Variants in MYCBP2 observed in about 807,000 individuals in gnomAD.
MYCBP2 encodes the protein MYC binding protein 2, also known as E3 ubiquitin-protein ligase MYCBP2.
In MYCBP2, 120 loss-of-function variants were observed where a neutral mutation model predicts 525.3. The observed-to-expected ratio is 0.23, with a 90% confidence interval of 0.20 to 0.27. MYCBP2 has a LOEUF of 0.27. MYCBP2 is among the 10% of genes least tolerant of loss of function. The probability of loss-of-function intolerance (pLI) is 1.00; values close to 1 mark genes in which losing one functional copy is unlikely to be tolerated. For synonymous variants in MYCBP2, 1,894 were observed against 1,955.8 expected, an observed-to-expected ratio of 0.97 and a Z score of 0.83; for missense variants, 4,149 against 5,657.1, an observed-to-expected ratio of 0.73 and a Z score of 8.55.
In MYCBP2 at chr13:77,278,858, A is replaced by T. The variant is rs2154351185; in HGVS notation, c.648T>A (p.Phe216Leu). Residue 216 changes from phenylalanine (F) to leucine (L), a missense_variant, in exon 4 of 83, where the codon TTT becomes TTA. Physicochemically the swap from Phe to Leu is conservative, Grantham distance 22. Around this residue, in one of 21 missense-constraint regions of MYCBP2, gnomAD observed 413 missense variants for 451.2 expected, o/e 0.92. Transcript: ENST00000544440. ...TCCTGAGACACAGGGATGGATGAGA[A>T]AATCGTGTCTCTTTGATCAATTCAA... ...EVFELIKETR[F>L]SHPSLCLRSL... The T allele has an allele frequency of 6.3e-7, 1 of 1,598,390 alleles. No homozygotes were observed. The highest frequency in any genetic ancestry group is 2.3e-5 in the East Asian group (1 of 43,488).
At chr13:77,168,297 G>T in intron 40 of MYCBP2, 131 bp downstream of exon 40, 2 of 675,108 alleles carry the variant, frequency 3.0e-6, no homozygotes, top group Non-Finnish European at 4.9e-6. Flanking sequence ...CTAATCACCT[G>T]CTGATTCTCT....
rs1566993134 is a variant in MYCBP2, at chr13:77,232,602, T to C, written c.2737+554A>G. Among the ~76,000 whole-genome samples, 4 of 152,326 alleles carry C rather than the reference T, an allele frequency of 2.6e-5. No individual in the cohort carries two copies. In the South Asian group the frequency reaches 8.3e-4, roughly 32 times the overall value. On this transcript the variant is annotated intron_variant, in intron 18 of 82. Coordinates refer to ENST00000544440, the MANE Select transcript of MYCBP2 (RefSeq NM_015057.5). ...GACCATCACCAGGGACTAGAGAAAG[T>C]CTTCATGATTCGTGCTTTGCTTGCA...
At chr13:77,127,762 A>G (rs969164006) in intron 52 of MYCBP2, among the ~76,000 whole-genome samples, 14 of 151,890 alleles carry the variant, frequency 9.2e-5, no homozygotes, top group African/African-American at 3.4e-4. Flanking sequence ...TTAAAAATAG[A>G]ATCCTCAGGT....
rs540662920 is a variant in MYCBP2 at position 77,166,361 on chromosome 13, G to C, written c.6308C>G (p.Ser2103Cys). 2.5e-6 allele frequency: 4 copies of C among 1,613,406 alleles called. No individual in the cohort carries two copies. The East Asian group carries it at 8.9e-5, about 36-fold the overall frequency. The change falls in exon 41 of 83, where the codon TCT becomes TGT. Residue 2103 changes from serine (S) to cysteine (C), a missense_variant. By Grantham distance (112) the Ser-to-Cys change is moderately radical. Coordinates refer to ENST00000544440, the MANE Select transcript of MYCBP2 (RefSeq NM_015057.5). The part of the protein sequence containing the change: ...WIELKKFSGS[S>C]GWPTMVLVLP... ...CACCAAAACCATAGTAGGCCACCCAGAGGATCCTGAAAATTTCTTTAATTC... is the reference window on the plus strand; with the variant it reads ...CACCAAAACCATAGTAGGCCACCCACAGGATCCTGAAAATTTCTTTAATTC...
intron 26 of MYCBP2, among the ~76,000 whole-genome samples, chr13:77,201,117 G>A (rs1385709096): frequency 6.6e-6 from 1 of 152,138 alleles, no homozygotes; most frequent in Non-Finnish European, 1.5e-5. Flanking sequence ...AAAGAGTCAA[G>A]ACCCATCAGT....
At chr13:77,128,092 C>G (rs2052018931) in intron 52 of MYCBP2, among the ~76,000 whole-genome samples, 1 of 151,680 alleles carries the variant, frequency 6.6e-6, no homozygotes. Context: ...ATATACTCAT[C>G]ATATATATTT....
intron 20 of MYCBP2, 60 bp downstream of exon 20, chr13:77,224,391 A>C: frequency 9.7e-7 from 1 of 1,031,694 alleles, no homozygotes; most frequent in South Asian, 1.4e-5. Context: ...AGAAAAAAGA[A>C]GGAAAAGAAA....
chr13:77,115,828 T>C lies in MYCBP2; in HGVS notation c.8140+5545A>G, dbSNP rs957124265. ...TTATGACATTCAGGAAATCTTTTTT[T>C]CCATTCAAACTACTGTTACATTAAA... On this transcript the variant is annotated intron_variant, in intron 55 of 82. Transcript: ENST00000544440. Among the ~76,000 whole-genome samples the C allele has an allele frequency of 2.6e-4, 40 of 151,712 alleles. 1 individual carries two copies. The highest frequency in any genetic ancestry group is 5.5e-4 in the Non-Finnish European group (37 of 67,774).
At chr13:77,323,966 A>G (rs2081996331) in intron 1 of MYCBP2, among the ~76,000 whole-genome samples, 2 of 151,244 alleles carry the variant, frequency 1.3e-5, no homozygotes, top group South Asian at 4.2e-4. Flanking sequence ...ACCTTTTCCT[A>G]TCAATTATCC....
At chr13:77,266,474 A>G (rs2154341428) in intron 8 of MYCBP2, among the ~76,000 whole-genome samples, 1 of 152,190 alleles carries the variant, frequency 6.6e-6, no homozygotes, top group East Asian at 1.9e-4. Context: ...ATATGATCAC[A>G]CTTTTTTACA....
chr13:77,081,786 G>T lies in MYCBP2; in HGVS notation c.11193+51C>A. ...ATGAATAACTTACAGTTTCTCCTTT[G>T]ATGTATTATTAACTAACAGGACAAC... is the stretch of plus-strand genomic sequence containing the variant. On this transcript the variant is annotated intron_variant, in intron 64 of 82. Transcript: ENST00000544440. The surrounding 1 kb of genome is among the most constrained non-coding windows in gnomAD (Gnocchi z 4.6). 1 of 1,572,262 alleles carries T rather than the reference G, an allele frequency of 6.4e-7. No homozygotes were observed. The highest frequency in any genetic ancestry group is 8.6e-7 in the Non-Finnish European group (1 of 1,158,424).
intron 47 of MYCBP2, 113 bp downstream of exon 47, chr13:77,150,621 C>T (rs971285325): frequency 3.9e-6 from 3 of 776,726 alleles, no homozygotes; most frequent in South Asian, 1.7e-5. Context: ...ATTTAATATC[C>T]ATCAAATGCT....
In MYCBP2 at chr13:77,172,388, CATA is replaced by C. The variant is rs556572269; in HGVS notation, c.5652-757_5652-755del. ...CAAATTGTGTAAGGTTTGTAGGCCA[CATA>C]ATGACTTTACATTTTATACTGGTAT... On this transcript the variant is annotated intron_variant, in intron 37 of 82. Coordinates refer to ENST00000544440, the MANE Select transcript of MYCBP2 (RefSeq NM_015057.5). Among the ~76,000 whole-genome samples, 27 of 152,174 alleles carry C rather than the reference CATA, an allele frequency of 1.8e-4. 1 individual carries two copies. The South Asian group carries it at 5.6e-3, about 32-fold the overall frequency.
intron 3 of MYCBP2, among the ~76,000 whole-genome samples, chr13:77,283,397 C>A (rs2076399207): frequency 6.6e-6 from 1 of 152,106 alleles, no homozygotes; most frequent in Non-Finnish European, 1.5e-5. Context: ...TGGTTCTTAT[C>A]CCTACAAGAC....
Position 77,199,407 on chromosome 13 carries a change from G to T in MYCBP2, c.3844-5163C>A, listed in dbSNP as rs202233048. The stretch of plus-strand genomic sequence containing the variant: ...GAGGGTCCTACGCTCATGGAGTCTC[G>T]CTGATTGCTAGCACAGCAGTCTGAG... On this transcript the variant is annotated intron_variant, in intron 26 of 82. Transcript: ENST00000544440. 1.4e-4 allele frequency among the ~76,000 whole-genome samples: 21 copies of T among 152,114 alleles called. No individual in the cohort carries two copies. The East Asian group carries it at 2.3e-3, about 17-fold the overall frequency.
At chr13:77,159,497 G>A (rs2057615127) in intron 44 of MYCBP2, among the ~76,000 whole-genome samples, 1 of 151,930 alleles carries the variant, frequency 6.6e-6, no homozygotes, top group South Asian at 2.1e-4. Flanking sequence ...ACTCTGATAT[G>A]GTTTGGCTCT....
At chr13:77,193,128 C>T (rs1220173639) in intron 27 of MYCBP2, among the ~76,000 whole-genome samples, 1 of 151,586 alleles carries the variant, frequency 6.6e-6, no homozygotes, top group African/African-American at 2.4e-5. Flanking sequence ...GACTCTGTCT[C>T]AAAAATAAAA....
intron 2 of MYCBP2, among the ~76,000 whole-genome samples, chr13:77,292,040 G>T (rs949695649): frequency 6.6e-6 from 1 of 152,200 alleles, no homozygotes; most frequent in African/African-American, 2.4e-5. Context: ...GTGTACCTGA[G>T]TTTCACTTAC....
chr13:77,162,268 G>C (rs1309014306), intron 43 of MYCBP2, among the ~76,000 whole-genome samples: 2 of 152,152 alleles, frequency 1.3e-5, no homozygotes, highest in African/African-American at 4.8e-5. Flanking sequence ...TCTAAAAAAA[G>C]AGGGAACAAA....
Sources: gnomAD v4.1 joint callset for allele counts (sites outside exome capture counted in the v4.1 genomes callset) on GRCh38, gnomAD v4.1.1 for gene constraint, gnomAD v4.1.1 regional missense constraint, Gnocchi (gnomAD v3.1) non-coding constraint, MANE v1.5 for transcripts, NCBI Gene and HGNC (gene_info 2026-07-23, HGNC 2026-07-21) for gene names.